The following PTPRN2 variants were observed in gnomAD, a reference collection of about 807,000 sequenced individuals.
PTPRN2 encodes the protein receptor-type tyrosine-protein phosphatase N2.
In PTPRN2, 74 loss-of-function variants were observed where a neutral mutation model predicts 118.8. That is an observed-to-expected ratio of 0.62 (90% CI 0.52 to 0.76). The LOEUF (loss-of-function observed/expected upper bound fraction) is 0.76. Ranked by LOEUF, PTPRN2 falls within the 30% of genes least tolerant of loss-of-function variation. PTPRN2 has a pLI of 0.00. For missense variants in PTPRN2, 1,481 were observed against 1,394.4 expected (o/e 1.06, Z -0.99); for synonymous variants, 641 against 608.0 (o/e 1.05, Z -0.80).
chr7:158,342,842 C>T (rs1057125057), intron 2 of PTPRN2, among the ~76,000 whole-genome samples: 5 of 152,054 alleles, frequency 3.3e-5, no homozygotes, highest in Non-Finnish European at 4.4e-5. Context: ...CCACCGGGAG[C>T]TCAGGAAACC....
chr7:157,558,021 G>T (rs903527742), intron 21 of PTPRN2, among the ~76,000 whole-genome samples: 1 of 133,768 alleles, frequency 7.5e-6, no homozygotes, highest in Non-Finnish European at 1.7e-5. Flanking sequence ...TTGAGGTGCT[G>T]GCAGCATCAA....
chr7:158,553,921 A>G (rs1826822079), intron 1 of PTPRN2, among the ~76,000 whole-genome samples: 1 of 147,366 alleles, frequency 6.8e-6, no homozygotes, highest in African/African-American at 2.5e-5. Flanking sequence ...AGTCTACACC[A>G]CCCTCCCTGT....
chr7:158,271,287 C>A (rs1798500925), intron 3 of PTPRN2, among the ~76,000 whole-genome samples: 1 of 152,220 alleles, frequency 6.6e-6, no homozygotes, highest in South Asian at 2.1e-4. Flanking sequence ...GGATTAAATG[C>A]TTTTGATGCA....
In PTPRN2 at chr7:157,805,579, A is replaced by C. The variant is rs370098027; in HGVS notation, c.1788+93094T>G. 3.9e-5 allele frequency among the ~76,000 whole-genome samples: 6 copies of C among 152,374 alleles called. No homozygotes were observed. In the East Asian group the frequency reaches 5.8e-4, roughly 15 times the overall value. On this transcript the variant is annotated intron_variant, in intron 12 of 22. Coordinates refer to ENST00000389418, the MANE Select transcript of PTPRN2 (RefSeq NM_002847.5). ...ATTCGACGTAAACTCCCGGTTGTTT[A>C]AAGTCATTAACGTTGTGTCGTTATG...
At chr7:158,458,690 T>C (rs1392933530) in intron 2 of PTPRN2, among the ~76,000 whole-genome samples, 1 of 152,184 alleles carries the variant, frequency 6.6e-6, no homozygotes, top group African/African-American at 2.4e-5. Context: ...AGTTATTTAC[T>C]GAGTAGATTT....
At chr7:157,834,294 A>G (rs1266256308) in intron 12 of PTPRN2, among the ~76,000 whole-genome samples, 2 of 142,068 alleles carry the variant, frequency 1.4e-5, no homozygotes, top group East Asian at 2.1e-4. Flanking sequence ...CCTGTGATCA[A>G]TCCATCAATT....
At chr7:157,836,441 T>C (rs576160147) in intron 12 of PTPRN2, among the ~76,000 whole-genome samples, 2 of 152,336 alleles carry the variant, frequency 1.3e-5, no homozygotes, top group African/African-American at 2.4e-5. Flanking sequence ...AGGATATTAA[T>C]TGCAGCAAGA....
At chr7:158,100,243 G>GC (rs1815117204) in intron 10 of PTPRN2, among the ~76,000 whole-genome samples, 1 of 106,682 alleles carries the variant, frequency 9.4e-6, no homozygotes, top group Non-Finnish European at 1.8e-5. Flanking sequence ...GTATTCCATG[G>GC]GGTGTGTGTG....
At chr7:158,492,775 A>G (rs1821554870) in intron 1 of PTPRN2, among the ~76,000 whole-genome samples, 2 of 152,242 alleles carry the variant, frequency 1.3e-5, no homozygotes, top group Admixed American at 1.3e-4. Context: ...TATGACCATA[A>G]ATCATCCAGA....
At chr7:158,306,845 G>T (rs1801324061) in intron 3 of PTPRN2, among the ~76,000 whole-genome samples, 1 of 147,822 alleles carries the variant, frequency 6.8e-6, no homozygotes, top group Admixed American at 6.9e-5. Flanking sequence ...CTTTAAATGA[G>T]CTGTTTTTTG....
intron 1 of PTPRN2, among the ~76,000 whole-genome samples, chr7:158,530,452 G>A (rs1372668539): frequency 2.6e-5 from 4 of 152,210 alleles, no homozygotes; most frequent in Non-Finnish European, 5.9e-5. Context: ...CTCCCCGTGT[G>A]CCACAGACTC....
intron 13 of PTPRN2, among the ~76,000 whole-genome samples, chr7:157,657,500 C>T (rs111070674): frequency 2.6e-3 from 83 of 31,960 alleles, no homozygotes; most frequent in Non-Finnish European, 3.1e-3. Context: ...ATCACATATA[C>T]ACACACATAC....
chr7:157,912,125 G>C (rs1047222407), intron 11 of PTPRN2, among the ~76,000 whole-genome samples: 2 of 152,246 alleles, frequency 1.3e-5, no homozygotes, highest in East Asian at 3.9e-4. Context: ...ATGTCCCAAA[G>C]GGATTCTATC....
intron 12 of PTPRN2, among the ~76,000 whole-genome samples, chr7:157,793,642 C>T (rs1292686054): frequency 1.3e-5 from 2 of 152,172 alleles, no homozygotes; most frequent in Non-Finnish European, 2.9e-5. Context: ...TTCTGCCACA[C>T]GTGGAAAACA....
chr7:158,223,054 A>G (rs1415386787), intron 3 of PTPRN2, among the ~76,000 whole-genome samples: 1 of 152,198 alleles, frequency 6.6e-6, no homozygotes, highest in Non-Finnish European at 1.5e-5. Context: ...ACAACTCTAC[A>G]CACATAAACC....
At chr7:157,607,525 G>A (rs1000281421) in intron 15 of PTPRN2, among the ~76,000 whole-genome samples, 6 of 152,254 alleles carry the variant, frequency 3.9e-5, no homozygotes, top group African/African-American at 9.6e-5. Flanking sequence ...AACAGGCAGC[G>A]CAGCCTGGAG....
chr7:157,818,343 T>C (rs55967015), intron 12 of PTPRN2, among the ~76,000 whole-genome samples: 27,521 of 151,898 alleles, frequency 0.18, 3,903 homozygotes, highest in African/African-American at 0.38. Context: ...AACAGATGGG[T>C]GGTTTTTTCT....
intron 12 of PTPRN2, among the ~76,000 whole-genome samples, chr7:157,685,702 G>A (rs760571308): frequency 2.0e-5 from 3 of 152,318 alleles, no homozygotes; most frequent in Non-Finnish European, 4.4e-5. Context: ...CTGCTTTGGA[G>A]GCCTCCCTTG....
intron 6 of PTPRN2, among the ~76,000 whole-genome samples, chr7:158,150,995 C>A (rs1820976943): frequency 6.6e-6 from 1 of 151,948 alleles, no homozygotes; most frequent in South Asian, 2.1e-4. Context: ...CTCTCAGCAC[C>A]TCATGCTGCC....
Sources: allele counts gnomAD v4.1 joint callset (sites outside exome capture counted in the v4.1 genomes callset), GRCh38; gene constraint gnomAD v4.1.1; transcripts MANE v1.5; gene names NCBI Gene and HGNC (gene_info 2026-07-23, HGNC 2026-07-21).